ZDHHC14: variants seen among roughly 807,000 people sequenced by gnomAD.
ZDHHC14 encodes palmitoyltransferase ZDHHC14.
ZDHHC14 carries 16 observed loss-of-function variants against 47.7 expected under a neutral mutation model. The ratio of observed to expected loss-of-function variants is 0.34; its 90% CI spans 0.23 to 0.51. The LOEUF (loss-of-function observed/expected upper bound fraction) is 0.51. ZDHHC14 is among the 20% of genes least tolerant of loss of function. The pLI is 0.97. For synonymous variants in ZDHHC14, 293 were observed against 278.9 expected (o/e 1.05, Z -0.50); for missense variants, 515 against 662.5 (o/e 0.78, Z 2.44).
chr6:157,635,011 T>C (rs1184238431), intron 5 of ZDHHC14, among the ~76,000 whole-genome samples: 1 of 151,292 alleles, frequency 6.6e-6, no homozygotes, highest in Non-Finnish European at 1.5e-5. Flanking sequence ...TTTTTCCCCC[T>C]GAAACGGAGT....
At chr6:157,384,594 A>G (rs1463143828) in intron 1 of ZDHHC14, among the ~76,000 whole-genome samples, 4 of 152,204 alleles carry the variant, frequency 2.6e-5, no homozygotes, top group Non-Finnish European at 4.4e-5. Flanking sequence ...GCAATTTGAC[A>G]TTTCAAGAAA....
At chr6:157,394,169 C>T (rs556362733) in intron 1 of ZDHHC14, among the ~76,000 whole-genome samples, 7 of 152,332 alleles carry the variant, frequency 4.6e-5, no homozygotes, top group African/African-American at 1.7e-4. Flanking sequence ...CCCGCCTACC[C>T]ACCGCCATCA....
chr6:157,627,631 G>A (rs1012541485), intron 3 of ZDHHC14, among the ~76,000 whole-genome samples: 2 of 152,234 alleles, frequency 1.3e-5, no homozygotes, highest in African/African-American at 4.8e-5. Context: ...TAAAGTGCCA[G>A]AGGCGGCATG....
chr6:157,644,339 TC>T lies in ZDHHC14; in HGVS notation c.753-1394del, dbSNP rs916030219. On this transcript the variant is annotated intron_variant, in intron 5 of 8. Transcript: ENST00000359775. ...TGCTGCCTGGGCCACCATCCATGTG[TC>T]CCCATGTGCACACAGAGCCCCCACT... is the stretch of plus-strand genomic sequence containing the variant. 4.6e-5 allele frequency among the ~76,000 whole-genome samples: 7 copies of T among 152,338 alleles called. No homozygotes were observed. The East Asian group carries it at 1.4e-3, about 29-fold the overall frequency.
chr6:157,523,938 C>T (rs1781060490), intron 1 of ZDHHC14, among the ~76,000 whole-genome samples: 2 of 142,948 alleles, frequency 1.4e-5, no homozygotes, highest in Admixed American at 1.4e-4. Context: ...TTCTCTCTTA[C>T]TATTTTGTAA....
intron 1 of ZDHHC14, among the ~76,000 whole-genome samples, chr6:157,387,556 C>A (rs140279641): frequency 1.8e-3 from 277 of 152,256 alleles, no homozygotes; most frequent in African/African-American, 6.4e-3. Flanking sequence ...AATACGTGAC[C>A]CTCAGGACCT....
intron 1 of ZDHHC14, among the ~76,000 whole-genome samples, chr6:157,495,695 A>ATTT (rs71027341): frequency 0.018 from 1,899 of 104,322 alleles, 115 homozygotes; most frequent in Non-Finnish European, 0.027. Context: ...TTCGGGTTGA[A>ATTT]TTTTTTTTTT....
chr6:157,499,051 G>C (rs750695936), intron 1 of ZDHHC14, among the ~76,000 whole-genome samples: 1 of 150,062 alleles, frequency 6.7e-6, no homozygotes, highest in Non-Finnish European at 1.5e-5. Context: ...GAAACTTGAA[G>C]AGAAAAAAAA....
At chr6:157,665,460 G>T (rs994983147) in intron 8 of ZDHHC14, among the ~76,000 whole-genome samples, 1 of 152,204 alleles carries the variant, frequency 6.6e-6, no homozygotes, top group East Asian at 1.9e-4. Flanking sequence ...TTGCAGAGGA[G>T]AGAAAGGCTG....
At chr6:157,606,601 G>A (rs185307004) in intron 3 of ZDHHC14, among the ~76,000 whole-genome samples, 18 of 152,370 alleles carry the variant, frequency 1.2e-4, no homozygotes, top group East Asian at 3.9e-4. Flanking sequence ...CCATGGCCTC[G>A]AGAGAATGAG....
chr6:157,399,680 G>A (rs1777591423), intron 1 of ZDHHC14, among the ~76,000 whole-genome samples: 1 of 152,232 alleles, frequency 6.6e-6, no homozygotes, highest in Non-Finnish European at 1.5e-5. Flanking sequence ...GGTTGACCCC[G>A]GCAAGGGCTC....
intron 2 of ZDHHC14, among the ~76,000 whole-genome samples, chr6:157,547,790 C>T (rs9457744): frequency 1.2e-3 from 177 of 147,772 alleles, no homozygotes; most frequent in African/African-American, 4.3e-3. Context: ...TGAAAGCTGC[C>T]ATTATGAATT....
At position 157,382,114 on chromosome 6, in the gene ZDHHC14, G is replaced by T. The variant is rs771321039; in HGVS notation, c.93G>T (p.Lys31Asn). 6.2e-7 allele frequency: 1 copy of T among 1,613,226 alleles called. No homozygotes were observed. Among genetic ancestry groups the T allele is most frequent in the Admixed American group, 1.7e-5 (1 of 59,932 alleles). ...SSSPMESPHK[K>N]KKIAARRKWE... The stretch of plus-strand genomic sequence containing the variant: ...CCCCCATGGAGTCGCCCCACAAGAA[G>T]AAGAAAATCGCGGCCCGGAGGAAAT... Residue 31 changes from lysine to asparagine, a missense_variant, in exon 1 of 9, where the codon AAG (lysine) becomes AAT (asparagine). Lys to Asn is a moderately conservative substitution (Grantham distance 94, BLOSUM62 0). Coordinates refer to ENST00000359775, the MANE Select transcript of ZDHHC14 (RefSeq NM_024630.3).
chr6:157,624,211 C>T (rs964623892), intron 3 of ZDHHC14, among the ~76,000 whole-genome samples: 1 of 152,210 alleles, frequency 6.6e-6, no homozygotes, highest in Non-Finnish European at 1.5e-5. Flanking sequence ...ATGACACTAG[C>T]CTCCCCATTG....
At chr6:157,636,360 T>TGTGC (rs1554276426) in intron 5 of ZDHHC14, among the ~76,000 whole-genome samples, 2 of 151,590 alleles carry the variant, frequency 1.3e-5, no homozygotes, top group African/African-American at 4.9e-5. Flanking sequence ...TGTGTGTGTG[T>TGTGC]GCATGCATCT....
intron 1 of ZDHHC14, among the ~76,000 whole-genome samples, chr6:157,510,116 G>A (rs1363298724): frequency 6.6e-6 from 1 of 152,114 alleles, no homozygotes; most frequent in Non-Finnish European, 1.5e-5. Flanking sequence ...ATGATGGCCA[G>A]GCCTGTAATC....
At chr6:157,589,355 C>T (rs1783819905) in intron 2 of ZDHHC14, among the ~76,000 whole-genome samples, 2 of 152,162 alleles carry the variant, frequency 1.3e-5, no homozygotes, top group African/African-American at 4.8e-5. Flanking sequence ...GGATACAAAA[C>T]CAAACTATAT....
chr6:157,570,802 T>TAC (rs1362049544), intron 2 of ZDHHC14, among the ~76,000 whole-genome samples: 87 of 150,608 alleles, frequency 5.8e-4, no homozygotes, highest in South Asian at 4.2e-4. Flanking sequence ...CACATATATA[T>TAC]ACACACACAC....
At chr6:157,642,612 A>G (rs1224485444) in intron 5 of ZDHHC14, among the ~76,000 whole-genome samples, 1 of 152,198 alleles carries the variant, frequency 6.6e-6, no homozygotes, top group East Asian at 1.9e-4. Flanking sequence ...GTGCAGTGGT[A>G]GCTGCTATGA....
Sources: gnomAD v4.1 joint callset for allele counts (sites outside exome capture counted in the v4.1 genomes callset) on GRCh38, gnomAD v4.1.1 for gene constraint, MANE v1.5 for transcripts, NCBI Gene and HGNC (gene_info 2026-07-23, HGNC 2026-07-21) for gene names.